PRKX: variants seen among roughly 807,000 people sequenced by gnomAD.
PRKX encodes the protein protein kinase cAMP-dependent X-linked catalytic subunit.
In PRKX, 12 loss-of-function variants were observed where a neutral mutation model predicts 22.0. The ratio of observed to expected loss-of-function variants is 0.54; its 90% CI spans 0.35 to 0.88. The LOEUF (loss-of-function observed/expected upper bound fraction) is 0.88, where lower values mean the gene tolerates loss of function less well. Among genes scored for constraint, PRKX ranks in the 40% least tolerant of loss-of-function variants. The pLI, the probability that PRKX is intolerant of heterozygous loss-of-function variation, is 0.01. For missense variants in PRKX, 217 were observed against 308.0 expected (o/e 0.70, Z 2.21); for synonymous variants, 134 against 137.7 (o/e 0.97, Z 0.19).
intron 4 of PRKX, among the ~76,000 whole-genome samples, chrX:3,639,039 A>G (rs1161660293): frequency 1.3e-5 from 1 of 76,518 alleles, no homozygotes; most frequent in Admixed American, 1.6e-4. Context: ...ATAAGGATAA[A>G]TGGATAAACA....
At chrX:3,631,859 A>C (rs1211713768) in intron 4 of PRKX, among the ~76,000 whole-genome samples, 2 of 112,660 alleles carry the variant, frequency 1.8e-5, no homozygotes, top group African/African-American at 6.4e-5. Flanking sequence ...CTTTGATCTC[A>C]AACTTCTGGT....
chrX:3,619,692 C>T (rs1283345489), intron 6 of PRKX, among the ~76,000 whole-genome samples: 1 of 111,658 alleles, frequency 9.0e-6, no homozygotes, highest in African/African-American at 3.3e-5. Flanking sequence ...AGGCCTGAGA[C>T]ACCTTGATCT....
At chrX:3,643,008 A>C (rs1442007272) in intron 3 of PRKX, among the ~76,000 whole-genome samples, 1 of 100,845 alleles carries the variant, frequency 9.9e-6, no homozygotes, top group Non-Finnish European at 2.0e-5. Context: ...CTCTCTCAAA[A>C]AAAAAAAAAA....
chrX:3,678,681 G>A (rs1343941063), intron 1 of PRKX, among the ~76,000 whole-genome samples: 1 of 111,865 alleles, frequency 8.9e-6, no homozygotes, highest in East Asian at 2.8e-4. Flanking sequence ...GCAGACAGAA[G>A]TGGCATGCTG....
chrX:3,665,379 G>C (rs1927702827), intron 2 of PRKX, among the ~76,000 whole-genome samples: 1 of 111,074 alleles, frequency 9.0e-6, no homozygotes, highest in South Asian at 3.8e-4. Context: ...AGGAGGCTGA[G>C]TTGGAAGAAT....
rs781098719 is a variant in PRKX at position 3,688,710 on chromosome X, T to A, written c.167-13944A>T. On this transcript the variant is annotated intron_variant, in intron 1 of 8. Coordinates refer to ENST00000262848, the MANE Select transcript of PRKX (RefSeq NM_005044.5). ...AGACACCATCTATAAAAAAAAAAAA[T>A]TTTTTTTAATGAGCCGGGTGTGGTG... Among the ~76,000 whole-genome samples, 723 of 107,552 alleles carry A rather than the reference T, an allele frequency of 6.7e-3. 5 individuals carry two copies. The highest frequency in any genetic ancestry group is 0.019 in the African/African-American group (564 of 29,723). The allele number at this position is 107,552 out of a possible 115,157, so 93.4% of individuals were successfully genotyped here.
At position 3,710,677 on chromosome X, in the gene PRKX, G is replaced by C. The variant is rs1928771602; in HGVS notation, c.166+2411C>G. ...GTATGAGCCACCACGCCCAGCCTGTGATTGGCTTTAAGTCATAGAAAATAG... is the reference window on the plus strand; with the variant it reads ...GTATGAGCCACCACGCCCAGCCTGTCATTGGCTTTAAGTCATAGAAAATAG... On this transcript the variant is annotated intron_variant, in intron 1 of 8. Transcript: ENST00000262848. Among the ~76,000 whole-genome samples the C allele has an allele frequency of 4.5e-5, 5 of 112,077 alleles. No individual in the cohort carries two copies. The Admixed American group carries it at 4.8e-4, about 11-fold the overall frequency.
chrX:3,677,210 AGTTAACAATAC>A (rs1927977463), intron 1 of PRKX, among the ~76,000 whole-genome samples: 2 of 111,642 alleles, frequency 1.8e-5, no homozygotes, highest in African/African-American at 6.5e-5. Flanking sequence ...TAGTTCATAT[AGTTAACAATAC>A]TGAACTGATA....
intron 6 of PRKX, among the ~76,000 whole-genome samples, chrX:3,620,578 A>C (rs1926532907): frequency 8.9e-6 from 1 of 112,206 alleles, no homozygotes; most frequent in South Asian, 3.7e-4. Context: ...TTAGCACCTG[A>C]GCTCCGCCTC....
At chrX:3,653,950 AAT>A (rs1569051359) in intron 3 of PRKX, among the ~76,000 whole-genome samples, 1 of 47,402 alleles carries the variant, frequency 2.1e-5, no homozygotes, top group African/African-American at 6.7e-5. Context: ...TGATATATAT[AAT>A]ATATATTATA....
intron 3 of PRKX, among the ~76,000 whole-genome samples, chrX:3,647,861 T>C (rs1456388921): frequency 1.8e-5 from 2 of 109,581 alleles, no homozygotes; most frequent in African/African-American, 6.6e-5. Flanking sequence ...CCATCCTCAT[T>C]AAACAGCATC....
intron 3 of PRKX, among the ~76,000 whole-genome samples, chrX:3,646,106 GAT>G (rs1927182252): frequency 9.0e-6 from 1 of 111,465 alleles, no homozygotes; most frequent in Non-Finnish European, 1.9e-5. Flanking sequence ...GCCTGGCCAA[GAT>G]GGTGAAACCC....
At chrX:3,693,919 A>AGGTG (rs1444496340) in intron 1 of PRKX, among the ~76,000 whole-genome samples, 2 of 98,532 alleles carry the variant, frequency 2.0e-5, no homozygotes, top group Non-Finnish European at 4.1e-5. Context: ...CAGCCTGGAC[A>AGGTG]ACAGAGGGAG....
At chrX:3,660,855 G>T (rs1457945830) in intron 2 of PRKX, among the ~76,000 whole-genome samples, 1 of 110,454 alleles carries the variant, frequency 9.1e-6, no homozygotes, top group Non-Finnish European at 1.9e-5. Context: ...AAGAGAGTTA[G>T]GGCTTTGTAT....
intron 2 of PRKX, among the ~76,000 whole-genome samples, chrX:3,670,689 GC>G (rs1302220542): frequency 1.8e-5 from 2 of 110,071 alleles, no homozygotes; most frequent in Non-Finnish European, 3.8e-5. Context: ...GGGACTACAG[GC>G]CCCCCCACCA....
intron 2 of PRKX, among the ~76,000 whole-genome samples, chrX:3,669,228 TTATCTAA>T (rs1471638800): frequency 8.9e-6 from 1 of 112,448 alleles, no homozygotes; most frequent in African/African-American, 3.2e-5. Context: ...TATCAATCAC[TTATCTAA>T]TATCTATCAA....
chrX:3,655,327 G>C lies in PRKX; in HGVS notation c.421C>G (p.Arg141Gly). 5 of 1,212,111 alleles carry C rather than the reference G, an allele frequency of 4.1e-6. No individual in the cohort carries two copies. Among genetic ancestry groups the C allele is most frequent in the Non-Finnish European group, 5.6e-6 (5 of 895,612 alleles). ...CCCGTGGTGCTGGAGAAGCGCCCCC[G>C]GTTGCGCAGGTAGCTGAAGAGCTCG... is the stretch of plus-strand genomic sequence containing the variant. The part of the protein sequence containing the change: ...GGELFSYLRN[R>G]GRFSSTTGLF... The change falls in exon 3 of 9, where the codon CGG (arginine) becomes GGG (glycine). Residue 141 changes from arginine (R) to glycine (G), a missense_variant. Arg to Gly is a moderately radical substitution (Grantham distance 125). Transcript: ENST00000262848.
chrX:3,694,403 AT>A (rs1450857635), intron 1 of PRKX, among the ~76,000 whole-genome samples: 1 of 110,486 alleles, frequency 9.1e-6, no homozygotes, highest in African/African-American at 3.3e-5. Flanking sequence ...AAAATAAAAA[AT>A]AAATAAATAA....
At position 3,648,003 on chromosome X, in the gene PRKX, C is replaced by T. The variant is rs755795092; in HGVS notation, c.600-6032G>A. On this transcript the variant is annotated intron_variant, in intron 3 of 8. Transcript: ENST00000262848. ...GAGACCTTTTTGGTCTGGCTTATTT[C>T]GTCCAATATCATGTTTTCAAGGTTT... 1.0e-3 allele frequency among the ~76,000 whole-genome samples: 114 copies of T among 111,454 alleles called. 1 individual carries two copies. The highest frequency in any genetic ancestry group is 5.8e-3 in the Admixed American group (60 of 10,273).
Sources: gnomAD v4.1 joint callset for allele counts (sites outside exome capture counted in the v4.1 genomes callset) on GRCh38, gnomAD v4.1.1 for gene constraint, MANE v1.5 for transcripts, NCBI Gene and HGNC (gene_info 2026-07-23, HGNC 2026-07-21) for gene names.